The following ANKIB1 variants were observed in gnomAD, a reference collection of about 807,000 sequenced individuals.
ANKIB1 encodes ankyrin repeat and IBR domain-containing protein 1.
A neutral mutation model predicts 122.1 loss-of-function variants in ANKIB1; 43 were observed. The ratio of observed to expected loss-of-function variants is 0.35; its 90% confidence interval spans 0.28 to 0.45. The LOEUF (loss-of-function observed/expected upper bound fraction) is 0.45. Among genes scored for constraint, ANKIB1 ranks in the 20% least tolerant of loss-of-function variants. The pLI, the probability that ANKIB1 is intolerant of heterozygous loss-of-function variation, is 1.00. For missense variants in ANKIB1, 992 were observed against 1,329.5 expected, an observed-to-expected ratio of 0.75 and a Z score of 3.95; for synonymous variants, 390 against 442.0, an observed-to-expected ratio of 0.88 and a Z score of 1.48.
At chr7:92,315,450 A>C (rs1251991525) in intron 3 of ANKIB1, among the ~76,000 whole-genome samples, 6 of 152,220 alleles carry the variant, frequency 3.9e-5, no homozygotes, top group Admixed American at 3.3e-4. Flanking sequence ...TATAGATGAG[A>C]GATGCAAGGA....
chr7:92,256,491 A>G (rs1408499466), intron 1 of ANKIB1, among the ~76,000 whole-genome samples: 1 of 152,220 alleles, frequency 6.6e-6, no homozygotes, highest in Non-Finnish European at 1.5e-5. Context: ...GGGGGAATGC[A>G]GAGGTATGTA....
rs531302491 is a variant in ANKIB1, at chr7:92,334,146, A to G, written c.787+6246A>G. ...TGTGATTACTTTATTCCAAGGATAA[A>G]TTTTTAAGAGGTAATAGTACTTAAT... On this transcript the variant is annotated intron_variant, in intron 5 of 19. Transcript: ENST00000265742. 3.3e-5 allele frequency among the ~76,000 whole-genome samples: 5 copies of G among 152,214 alleles called. No homozygotes were observed. The South Asian group carries it at 1.0e-3, about 32-fold the overall frequency.
At chr7:92,248,243 C>T (rs772179641) in intron 1 of ANKIB1, among the ~76,000 whole-genome samples, 1 of 151,978 alleles carries the variant, frequency 6.6e-6, no homozygotes, top group Non-Finnish European at 1.5e-5. Context: ...ACCACTACAC[C>T]GAGAATTTTG....
chr7:92,277,973 A>G (rs1801938937), intron 1 of ANKIB1, among the ~76,000 whole-genome samples: 1 of 151,912 alleles, frequency 6.6e-6, no homozygotes, highest in Admixed American at 6.6e-5. Context: ...AGTCCTAGCT[A>G]CTCAGGAAGC....
chr7:92,311,717 G>A (rs183076234), intron 3 of ANKIB1, among the ~76,000 whole-genome samples: 47 of 146,756 alleles, frequency 3.2e-4, no homozygotes, highest in Admixed American at 2.2e-3. Flanking sequence ...TGTAATAAGC[G>A]CCCCCCCCAC....
At chr7:92,291,690 C>T (rs937549153) in intron 1 of ANKIB1, among the ~76,000 whole-genome samples, 1 of 151,368 alleles carries the variant, frequency 6.6e-6, no homozygotes, top group African/African-American at 2.4e-5. Context: ...AATTCTCCTG[C>T]CGCAGCCGCC....
At chr7:92,281,164 G>A (rs541366826) in intron 1 of ANKIB1, among the ~76,000 whole-genome samples, 1 of 152,294 alleles carries the variant, frequency 6.6e-6, no homozygotes, top group South Asian at 2.1e-4. Context: ...TTTATCCAGT[G>A]TTGAATTATG....
intron 9 of ANKIB1, among the ~76,000 whole-genome samples, chr7:92,359,415 G>C (rs1803893078): frequency 6.6e-6 from 1 of 152,132 alleles, no homozygotes. Context: ...CCTTTTTTAT[G>C]GCTGCATGGT....
chr7:92,310,782 C>G (rs777111423), intron 3 of ANKIB1, among the ~76,000 whole-genome samples: 1 of 152,056 alleles, frequency 6.6e-6, no homozygotes, highest in Admixed American at 6.5e-5. Flanking sequence ...AAGAAAAAAA[C>G]GTGGATGTTC....
intron 5 of ANKIB1, among the ~76,000 whole-genome samples, chr7:92,340,845 C>A (rs1342969366): frequency 1.3e-5 from 2 of 152,162 alleles, no homozygotes; most frequent in East Asian, 3.8e-4. Context: ...AAGAGCACGT[C>A]CAAATGGCCA....
Position 92,343,221 on chromosome 7 carries a change from G to C in ANKIB1, c.985G>C (p.Asp329His), listed in dbSNP as rs1437216445. The change falls in exon 6 of 20, where the codon GAC becomes CAC. Residue 329 changes from aspartate (D) to histidine (H), a missense_variant. Asp to His is a moderately conservative substitution (Grantham distance 81). Coordinates refer to ENST00000265742, the MANE Select transcript of ANKIB1 (RefSeq NM_019004.2). ...AATCAGCTTATCTCCTGGGGATTTA[G>C]ACACCAGTTTGGTATGGTTTGGTAT... ...DEISLSPGDL[D>H]TSLCDICMCS... is the part of the protein sequence containing the mutation. 6.2e-7 allele frequency: 1 copy of C among 1,613,520 alleles called. No homozygotes were observed. Among genetic ancestry groups the C allele is most frequent in the Non-Finnish European group, 8.5e-7 (1 of 1,179,704 alleles).
At chr7:92,376,299 GTC>G (rs1804378308) in intron 11 of ANKIB1, among the ~76,000 whole-genome samples, 1 of 152,146 alleles carries the variant, frequency 6.6e-6, no homozygotes, top group South Asian at 2.1e-4. Context: ...AGATGGCACT[GTC>G]TCCTACTAGA....
intron 14 of ANKIB1, among the ~76,000 whole-genome samples, chr7:92,389,304 T>C (rs1023523803): frequency 7.9e-5 from 12 of 152,108 alleles, no homozygotes; most frequent in African/African-American, 2.9e-4. Flanking sequence ...CAAAGTTAGA[T>C]TCTCATGCTT....
chr7:92,366,487 T>A (rs947774099), intron 10 of ANKIB1, among the ~76,000 whole-genome samples: 1 of 152,220 alleles, frequency 6.6e-6, no homozygotes, highest in African/African-American at 2.4e-5. Flanking sequence ...GATCACTTAC[T>A]AGGTGACTGC....
chr7:92,306,075 G>T (rs1802556248), intron 2 of ANKIB1, among the ~76,000 whole-genome samples: 1 of 150,346 alleles, frequency 6.7e-6, no homozygotes, highest in South Asian at 2.1e-4. Context: ...AGGGGAGGAG[G>T]TCTGTTAATA....
intron 15 of ANKIB1, 26 bp from the exon 16 acceptor site, chr7:92,391,140 T>A (rs1804775551): frequency 1.3e-6 from 2 of 1,516,180 alleles, no homozygotes; most frequent in East Asian, 4.7e-5. Flanking sequence ...AGCCTGTGAT[T>A]TTTTTTTTTT....
chr7:92,326,537 A>AG (rs1308467167), intron 4 of ANKIB1, among the ~76,000 whole-genome samples: 1 of 152,196 alleles, frequency 6.6e-6, no homozygotes, highest in Admixed American at 6.5e-5. Context: ...TTCTGAGGCA[A>AG]GGAGAGGTAC....
chr7:92,275,619 A>G (rs900251623), intron 1 of ANKIB1, among the ~76,000 whole-genome samples: 2 of 152,098 alleles, frequency 1.3e-5, no homozygotes, highest in African/African-American at 4.8e-5. Flanking sequence ...ACCTGGAAAA[A>G]CTGTGCCAGA....
chr7:92,319,910 G>A (rs980832130), intron 4 of ANKIB1: 2 of 155,940 alleles, frequency 1.3e-5, no homozygotes, highest in Non-Finnish European at 2.8e-5. Flanking sequence ...ACTCCAGCCT[G>A]GCGACAAAGT....
Sources: allele counts gnomAD v4.1 joint callset (sites outside exome capture counted in the v4.1 genomes callset), GRCh38; gene constraint gnomAD v4.1.1; transcripts MANE v1.5; gene names NCBI Gene and HGNC (gene_info 2026-07-23, HGNC 2026-07-21).